The following PTPRD variants were observed in gnomAD, a reference collection of about 807,000 sequenced individuals.
The protein encoded by PTPRD is protein tyrosine phosphatase receptor type D.
Under a neutral mutation model 214.5 loss-of-function variants are expected in PTPRD, and 34 were observed. That is an observed-to-expected ratio of 0.16 (90% CI 0.12 to 0.21). PTPRD has a LOEUF of 0.21. PTPRD is among the 10% of genes least tolerant of loss of function. The pLI, the probability that PTPRD is intolerant of heterozygous loss-of-function variation, is 1.00. For synonymous variants in PTPRD, 1,128 were observed against 845.7 expected (o/e 1.33, Z -5.79); for missense variants, 2,545 against 2,398.7 (o/e 1.06, Z -1.27).
At chr9:10,471,104 A>G (rs753528538) in intron 2 of PTPRD, among the ~76,000 whole-genome samples, 4 of 152,024 alleles carry the variant, frequency 2.6e-5, no homozygotes, top group Admixed American at 6.6e-5. Context: ...ATGAGAACAC[A>G]TGGACACAGG....
chr9:9,972,040 G>A (rs538830827), intron 4 of PTPRD, among the ~76,000 whole-genome samples: 5 of 152,152 alleles, frequency 3.3e-5, no homozygotes, highest in Middle Eastern at 6.8e-3. Context: ...TCATCTGAAT[G>A]AATTGCACTT....
chr9:9,802,944 A>G (rs2099050993), intron 5 of PTPRD, among the ~76,000 whole-genome samples: 1 of 151,916 alleles, frequency 6.6e-6, no homozygotes, highest in African/African-American at 2.4e-5. Flanking sequence ...TACTAATTAT[A>G]TTAATTTTAA....
At chr9:10,533,491 C>T (rs983244910) in intron 2 of PTPRD, among the ~76,000 whole-genome samples, 3 of 151,478 alleles carry the variant, frequency 2.0e-5, no homozygotes, top group Non-Finnish European at 4.4e-5. Context: ...TGAGTCTTTG[C>T]TGATTTATTT....
intron 9 of PTPRD, among the ~76,000 whole-genome samples, chr9:9,323,456 A>G (rs75411767): frequency 6.6e-6 from 1 of 152,296 alleles, no homozygotes; most frequent in East Asian, 1.9e-4. Flanking sequence ...ATGCTAATCA[A>G]TATAATCTGA....
chr9:9,292,338 A>G (rs1951441123), intron 9 of PTPRD, among the ~76,000 whole-genome samples: 1 of 151,400 alleles, frequency 6.6e-6, no homozygotes, highest in Non-Finnish European at 1.5e-5. Flanking sequence ...CAACTTTGTC[A>G]CTTTCCGCAT....
chr9:10,377,992 T>A (rs577298430), intron 2 of PTPRD, among the ~76,000 whole-genome samples: 1 of 152,168 alleles, frequency 6.6e-6, no homozygotes, highest in East Asian at 1.9e-4. Context: ...CAAATTGTTC[T>A]CCATAGTGGT....
intron 10 of PTPRD, among the ~76,000 whole-genome samples, chr9:9,035,245 T>C (rs1265304449): frequency 6.6e-6 from 1 of 152,182 alleles, no homozygotes; most frequent in African/African-American, 2.4e-5. Flanking sequence ...TAATTCCTCC[T>C]GCTTAAAATA....
At chr9:10,461,621 CT>C (rs745654705) in intron 2 of PTPRD, among the ~76,000 whole-genome samples, 2,873 of 132,990 alleles carry the variant, frequency 0.022, 58 homozygotes, top group African/African-American at 0.054. Context: ...GCATGACATT[CT>C]TTTTTTTTTT....
chr9:9,429,595 C>CA (rs922445035), intron 8 of PTPRD, among the ~76,000 whole-genome samples: 5 of 151,862 alleles, frequency 3.3e-5, no homozygotes, highest in Non-Finnish European at 4.4e-5. Flanking sequence ...AGAGAAAAAA[C>CA]AAAAAAAGAG....
intron 7 of PTPRD, among the ~76,000 whole-genome samples, chr9:9,713,372 G>A (rs780175797): frequency 2.0e-5 from 3 of 152,094 alleles, no homozygotes; most frequent in South Asian, 2.1e-4. Context: ...AATGTCACTC[G>A]TCCTCTTAGA....
intron 12 of PTPRD, among the ~76,000 whole-genome samples, chr9:8,706,881 G>A (rs1483009959): frequency 6.6e-6 from 1 of 152,176 alleles, no homozygotes; most frequent in African/African-American, 2.4e-5. Context: ...CCACAGGTTA[G>A]CATTATCCTC....
Position 8,775,906 on chromosome 9 carries a change from T to C in PTPRD, c.-103-41960A>G, listed in dbSNP as rs1194736357. On this transcript the variant is annotated intron_variant, in intron 11 of 45. Coordinates refer to ENST00000381196, the MANE Select transcript of PTPRD (RefSeq NM_002839.4). ...ATAGTAACAATGATATAAACTACTATTCACATGAACAGCTTGATGTTTCAT... is the reference window on the plus strand; with the variant it reads ...ATAGTAACAATGATATAAACTACTACTCACATGAACAGCTTGATGTTTCAT... 2.6e-5 allele frequency among the ~76,000 whole-genome samples: 4 copies of C among 152,034 alleles called. No homozygotes were observed. In the East Asian group the frequency reaches 7.7e-4, roughly 29 times the overall value.
intron 5 of PTPRD, among the ~76,000 whole-genome samples, chr9:9,838,023 G>C (rs1406756286): frequency 6.6e-6 from 1 of 152,088 alleles, no homozygotes; most frequent in Non-Finnish European, 1.5e-5. Context: ...ACGGTGTTTG[G>C]TTTTGTGTCC....
intron 10 of PTPRD, among the ~76,000 whole-genome samples, chr9:9,059,112 G>GA (rs1208293843): frequency 6.6e-6 from 1 of 152,042 alleles, no homozygotes; most frequent in Admixed American, 6.5e-5. Context: ...CATACCACAT[G>GA]AAAAAAATAT....
At chr9:10,051,283 GT>G (rs1260360543) in intron 3 of PTPRD, among the ~76,000 whole-genome samples, 3 of 152,168 alleles carry the variant, frequency 2.0e-5, no homozygotes, top group Admixed American at 2.0e-4. Flanking sequence ...TTATTGCTCA[GT>G]ACTATTTTTT....
intron 11 of PTPRD, among the ~76,000 whole-genome samples, chr9:8,841,856 C>A (rs575846336): frequency 1.3e-5 from 2 of 151,918 alleles, no homozygotes; most frequent in South Asian, 4.2e-4. Flanking sequence ...ACTAAAAATA[C>A]AAAAATTAGC....
chr9:9,732,652 C>T (rs2098218766), intron 7 of PTPRD, among the ~76,000 whole-genome samples: 1 of 152,108 alleles, frequency 6.6e-6, no homozygotes, highest in South Asian at 2.1e-4. Flanking sequence ...ATTTGTGCTA[C>T]CTAAAATACC....
At chr9:8,910,169 G>C (rs987253558) in intron 11 of PTPRD, among the ~76,000 whole-genome samples, 2 of 152,016 alleles carry the variant, frequency 1.3e-5, no homozygotes, top group African/African-American at 2.4e-5. Flanking sequence ...CTCCCGAGTA[G>C]CTGGGACTAC....
intron 3 of PTPRD, among the ~76,000 whole-genome samples, chr9:10,059,526 T>C (rs560117168): frequency 6.6e-6 from 1 of 152,248 alleles, no homozygotes; most frequent in South Asian, 2.1e-4. Flanking sequence ...TATTAAAGGC[T>C]CAAGAGAAAG....
Sources: allele counts gnomAD v4.1 joint callset (sites outside exome capture counted in the v4.1 genomes callset), GRCh38; gene constraint gnomAD v4.1.1; transcripts MANE v1.5; gene names NCBI Gene and HGNC (gene_info 2026-07-23, HGNC 2026-07-21).